CCDC7: variants seen among roughly 807,000 people sequenced by gnomAD.
CCDC7 encodes coiled-coil domain containing 7.
In CCDC7, 183 loss-of-function variants were observed where a neutral mutation model predicts 196.9. That is an observed-to-expected ratio of 0.93 (90% CI 0.82 to 1.05). The LOEUF (loss-of-function observed/expected upper bound fraction) is 1.05. CCDC7 is among the 50% of genes least tolerant of loss of function. The probability of loss-of-function intolerance (pLI) is 0.00; values close to 1 mark genes in which losing one functional copy is unlikely to be tolerated. For synonymous variants in CCDC7, 525 were observed against 484.6 expected, an observed-to-expected ratio of 1.08 and a Z score of -1.10; for missense variants, 1,540 against 1,482.2, an observed-to-expected ratio of 1.04 and a Z score of -0.64.
intron 23 of CCDC7, among the ~76,000 whole-genome samples, chr10:32,690,010 C>A (rs762928505): frequency 6.6e-6 from 1 of 152,166 alleles, no homozygotes. Flanking sequence ...GCTGGCATTG[C>A]AGGTGTGAGC....
At chr10:32,865,436 A>T (rs1335668738) in intron 41 of CCDC7, among the ~76,000 whole-genome samples, 1 of 150,850 alleles carries the variant, frequency 6.6e-6, no homozygotes. Flanking sequence ...CACACACGAG[A>T]ATGGCTAAAG....
chr10:32,443,577 T>G (rs1441098601), upstream of CCDC7, among the ~76,000 whole-genome samples: 2 of 152,352 alleles, frequency 1.3e-5, no homozygotes, highest in African/African-American at 2.4e-5. Flanking sequence ...AGATTTTTCT[T>G]TCCCCATTGA....
intron 21 of CCDC7, among the ~76,000 whole-genome samples, chr10:32,674,979 A>C (rs537131848): frequency 6.8e-4 from 104 of 152,018 alleles, no homozygotes; most frequent in Non-Finnish European, 1.2e-3. Flanking sequence ...CTTTTAGTTC[A>C]GTTTGTCCTT....
chr10:32,705,350 T>G lies in CCDC7; in HGVS notation c.2459-6270T>G, dbSNP rs568919829. ...ACATGGAAAGGAACAACTGGTACCA[T>G]CCACTGCAAAAACATGCCAAATTGT... On this transcript the variant is annotated intron_variant, in intron 24 of 41. Coordinates refer to ENST00000639629, the Ensembl canonical transcript of CCDC7. Among the ~76,000 whole-genome samples, 161 of 152,010 alleles carry G rather than the reference T, an allele frequency of 1.1e-3. 2 individuals carry two copies. The highest frequency in any genetic ancestry group is 3.6e-3 in the African/African-American group (151 of 41,482).
intron 20 of CCDC7, among the ~76,000 whole-genome samples, chr10:32,648,920 A>G (rs991981441): frequency 6.6e-6 from 1 of 152,226 alleles, no homozygotes; most frequent in Non-Finnish European, 1.5e-5. Flanking sequence ...ATACCTATCA[A>G]TGACAAATTG....
chr10:32,607,801 C>T (rs1415434374), intron 18 of CCDC7, among the ~76,000 whole-genome samples: 1 of 151,866 alleles, frequency 6.6e-6, no homozygotes, highest in Admixed American at 6.6e-5. Flanking sequence ...TTTGTTGTAT[C>T]TTTGGATTTG....
Position 32,865,301 on chromosome 10 carries a change from G to A in CCDC7, c.4111+10812G>A, listed in dbSNP as rs545000471. ...CTAAAAGCAGATACACAAAAAGAAGGTATACAAAGGACACACAAATGATGA... is the reference window on the plus strand; with the variant it reads ...CTAAAAGCAGATACACAAAAAGAAGATATACAAAGGACACACAAATGATGA... On this transcript the variant is annotated intron_variant, in intron 41 of 41. Transcript: ENST00000639629. Among the ~76,000 whole-genome samples, 3 of 151,240 alleles carry A rather than the reference G, an allele frequency of 2.0e-5. No individual in the cohort carries two copies. The South Asian group carries it at 6.3e-4, about 32-fold the overall frequency.
At position 32,565,630 on chromosome 10, in the gene CCDC7, G is replaced by A; in HGVS notation, c.1197+10G>A. The A allele has an allele frequency of 1.9e-6, 3 of 1,603,954 alleles. No homozygotes were observed. Among genetic ancestry groups the A allele is most frequent in the Non-Finnish European group, 2.6e-6 (3 of 1,174,820 alleles). ...GAAACAGGCTTTACAGGTAAAGGAT[G>A]TCATGTTTCTTTAACATTGTTAACA... On this transcript the variant is annotated intron_variant, in intron 14 of 41. Coordinates refer to ENST00000639629, the Ensembl canonical transcript of CCDC7.
At chr10:32,721,804 C>T (rs930382621) in intron 25 of CCDC7, among the ~76,000 whole-genome samples, 4 of 151,978 alleles carry the variant, frequency 2.6e-5, no homozygotes, top group African/African-American at 9.7e-5. Context: ...AGTGTCTGGA[C>T]CCACCAGGAA....
chr10:32,708,178 C>A (rs576710757), intron 24 of CCDC7, among the ~76,000 whole-genome samples: 7 of 152,104 alleles, frequency 4.6e-5, no homozygotes, highest in Non-Finnish European at 7.4e-5. Flanking sequence ...CACATCTACA[C>A]CCATCTGATC....
intron 8 of CCDC7, among the ~76,000 whole-genome samples, 164 bp from the exon 10 acceptor site, chr10:32,491,758 G>T (rs1423709814): frequency 6.6e-6 from 1 of 152,082 alleles, no homozygotes; most frequent in Non-Finnish European, 1.5e-5. Flanking sequence ...TTAATAAAAT[G>T]GTAGCTATTC....
chr10:32,745,033 A>C (rs1039746698), intron 28 of CCDC7, among the ~76,000 whole-genome samples: 2 of 152,186 alleles, frequency 1.3e-5, no homozygotes, highest in Admixed American at 1.3e-4. Flanking sequence ...ATTTTATTGC[A>C]TATGGATGAC....
At chr10:32,847,242 T>TA (rs898752516) in intron 37 of CCDC7, among the ~76,000 whole-genome samples, 9 of 152,074 alleles carry the variant, frequency 5.9e-5, no homozygotes, top group South Asian at 2.1e-4. Flanking sequence ...AAGCCCCAGA[T>TA]AGAGGAGGAG....
At chr10:32,812,919 C>T (rs1175811535) in intron 30 of CCDC7, among the ~76,000 whole-genome samples, 3 of 152,124 alleles carry the variant, frequency 2.0e-5, no homozygotes, top group Non-Finnish European at 4.4e-5. Flanking sequence ...GTCGCTATAT[C>T]TCTTATATTG....
chr10:32,796,738 A>T (rs892996600), intron 29 of CCDC7, among the ~76,000 whole-genome samples: 1 of 152,212 alleles, frequency 6.6e-6, no homozygotes, highest in Non-Finnish European at 1.5e-5. Flanking sequence ...CAGTATTTGG[A>T]ATTCCTGAAG....
rs1242637879 is a variant in CCDC7 at position 32,589,192 on chromosome 10, C to T, written c.1801+4888C>T. Among the ~76,000 whole-genome samples, 6 of 152,024 alleles carry T rather than the reference C, an allele frequency of 3.9e-5. No homozygotes were observed. The East Asian group carries it at 1.2e-3, about 29-fold the overall frequency. On this transcript the variant is annotated intron_variant, in intron 18 of 41. Coordinates refer to ENST00000639629, the Ensembl canonical transcript of CCDC7. Reference sequence around the variant, plus strand: ...TAACCATCCTTCTACTCTCAATGTCCATCCATGAGTTCAATTGTTTTAATT... The same window carrying T: ...TAACCATCCTTCTACTCTCAATGTCTATCCATGAGTTCAATTGTTTTAATT...
intron 30 of CCDC7, among the ~76,000 whole-genome samples, chr10:32,812,146 A>G (rs189369244): frequency 1.5e-3 from 231 of 152,154 alleles, no homozygotes; most frequent in Non-Finnish European, 4.4e-4. Flanking sequence ...TATTCTAAAT[A>G]ATCTGACTTG....
intron 16 of CCDC7, among the ~76,000 whole-genome samples, chr10:32,575,799 A>C (rs2058118455): frequency 6.6e-6 from 1 of 152,182 alleles, no homozygotes; most frequent in South Asian, 2.1e-4. Context: ...CTTTGATCTT[A>C]GAGACTCATT....
chr10:32,705,964 C>T (rs189018026), intron 24 of CCDC7, among the ~76,000 whole-genome samples: 14 of 152,220 alleles, frequency 9.2e-5, no homozygotes, highest in East Asian at 3.9e-4. Context: ...CTGCACCAAG[C>T]GGACCTACTG....
Sources: allele counts gnomAD v4.1 joint callset (sites outside exome capture counted in the v4.1 genomes callset), GRCh38; gene constraint gnomAD v4.1.1; transcripts MANE v1.5; gene names NCBI Gene and HGNC (gene_info 2026-07-23, HGNC 2026-07-21).